Variants in STEAP1B observed in about 807,000 individuals in gnomAD.
STEAP1B encodes STEAP family protein MGC87042.
A neutral mutation model predicts 27.9 loss-of-function variants in STEAP1B; 13 were observed. The observed-to-expected ratio is 0.47, with a 90% CI of 0.30 to 0.74. STEAP1B has a LOEUF of 0.74. Among genes scored for constraint, STEAP1B ranks in the 30% least tolerant of loss-of-function variants. The probability of loss-of-function intolerance (pLI) is 0.06; values close to 1 mark genes in which losing one functional copy is unlikely to be tolerated. For synonymous variants in STEAP1B, 86 were observed against 107.1 expected (o/e 0.80, Z 1.22); for missense variants, 250 against 298.7 (o/e 0.84, Z 1.20).
chr7:22,463,891 C>T (rs1169380836), intron 4 of STEAP1B, among the ~76,000 whole-genome samples: 1 of 151,460 alleles, frequency 6.6e-6, no homozygotes, highest in South Asian at 2.1e-4. Context: ...AGGACATAGG[C>T]ATGGGCAAGG....
At chr7:22,464,327 C>G (rs949423564) in intron 4 of STEAP1B, among the ~76,000 whole-genome samples, 11 of 152,182 alleles carry the variant, frequency 7.2e-5, no homozygotes, top group Non-Finnish European at 1.3e-4. Flanking sequence ...CCCACTCTGT[C>G]CCCTGACTGC....
chr7:22,494,373 T>C (rs930963634), intron 2 of STEAP1B, among the ~76,000 whole-genome samples: 11 of 152,264 alleles, frequency 7.2e-5, no homozygotes, highest in African/African-American at 2.4e-4. Context: ...AAGCTGCCAC[T>C]GTGTCTATGA....
intron 4 of STEAP1B, among the ~76,000 whole-genome samples, chr7:22,461,240 C>G (rs1176817835): frequency 6.6e-6 from 1 of 152,150 alleles, no homozygotes; most frequent in Non-Finnish European, 1.5e-5. Context: ...CTCTCATTCA[C>G]TCCTTCCAGT....
In STEAP1B at chr7:22,493,391, A is replaced by G. The variant is rs377135390; in HGVS notation, c.530T>C (p.Ile177Thr). The G allele has an allele frequency of 6.2e-7, 1 of 1,614,208 alleles. No individual in the cohort carries two copies. Among genetic ancestry groups the G allele is most frequent in the Non-Finnish European group, 8.5e-7 (1 of 1,180,036 alleles). The stretch of plus-strand genomic sequence containing the variant: ...CCTCATTGCGTAAGACAGAGTATAA[A>G]TTGCATGCAGTACAGCAAAAAACAA... The part of the protein sequence containing the change: ...LSLFFAVLHA[I>T]YTLSYAMRRS... The change falls in exon 3 of 5, where the codon ATT becomes ACT. Residue 177 changes from isoleucine (I) to threonine (T), a missense_variant. Coordinates refer to ENST00000678116, the MANE Select transcript of STEAP1B (RefSeq NM_001382447.1).
chr7:22,496,752 G>A (rs1454627717), intron 1 of STEAP1B, among the ~76,000 whole-genome samples: 1 of 152,116 alleles, frequency 6.6e-6, no homozygotes, highest in African/African-American at 2.4e-5. Flanking sequence ...TACACTCTAT[G>A]ATGTTTCCTC....
intron 4 of STEAP1B, among the ~76,000 whole-genome samples, chr7:22,474,524 AG>A (rs1374122157): frequency 2.6e-5 from 4 of 152,238 alleles, no homozygotes; most frequent in African/African-American, 9.6e-5. Flanking sequence ...GGGCAGCTAC[AG>A]GGGTTCAAAA....
chr7:22,424,981 G>T (rs374467114), intron 4 of STEAP1B, among the ~76,000 whole-genome samples: 1 of 151,814 alleles, frequency 6.6e-6, no homozygotes, highest in Non-Finnish European at 1.5e-5. Context: ...CTAGACTAAA[G>T]TATTAAGTGT....
Position 22,495,955 on chromosome 7 carries a change from C to G in STEAP1B, c.-31-1069G>C, listed in dbSNP as rs557362321. ...TTGTGAAGTGTACTCCTTCTACTTA[C>G]AAAAAAAGAGCTAACTGTAAACAGC... On this transcript the variant is annotated intron_variant, in intron 1 of 4. Coordinates refer to ENST00000678116, the MANE Select transcript of STEAP1B (RefSeq NM_001382447.1). Among the ~76,000 whole-genome samples the G allele has an allele frequency of 3.9e-5, 6 of 152,132 alleles. No homozygotes were observed. The South Asian group carries it at 1.3e-3, about 32-fold the overall frequency.
At chr7:22,437,693 A>G (rs918163549) in intron 4 of STEAP1B, among the ~76,000 whole-genome samples, 3 of 152,192 alleles carry the variant, frequency 2.0e-5, no homozygotes, top group Admixed American at 6.5e-5. Context: ...GTTTTCCATG[A>G]TGGCTGTATT....
Position 22,456,972 on chromosome 7 carries a change from A to ATATATTTTT in STEAP1B, c.762+35592_762+35593insAAAAATATA. On this transcript the variant is annotated intron_variant, in intron 4 of 4. Transcript: ENST00000678116. Reference sequence around the variant, plus strand: ...GGCAGCTATATATATATATATATATATTTTTTTTTTTTTTAAGTATCCTGG... The same window carrying ATATATTTTT: ...GGCAGCTATATATATATATATATATATATATTTTTTTTTTTTTTTTTTTAAGTATCCTGG... Among the ~76,000 whole-genome samples the ATATATTTTT allele has an allele frequency of 2.5e-4, 14 of 57,070 alleles. 1 individual carries two copies. In the East Asian group the frequency reaches 0.014, roughly 57 times the overall value. 37.4% of individuals were successfully genotyped at this position (57,070 alleles called of 152,430 possible).
chr7:22,482,348 G>A (rs531474207), intron 4 of STEAP1B, among the ~76,000 whole-genome samples: 13 of 152,238 alleles, frequency 8.5e-5, no homozygotes, highest in African/African-American at 3.1e-4. Flanking sequence ...GATAACCAAC[G>A]AATAATTCTT....
At chr7:22,444,488 T>G (rs1004720483) in intron 4 of STEAP1B, among the ~76,000 whole-genome samples, 1 of 152,098 alleles carries the variant, frequency 6.6e-6, no homozygotes, top group Admixed American at 6.5e-5. Flanking sequence ...TTTTCTGAAA[T>G]TATACCCATC....
chr7:22,434,506 T>G (rs3813378), intron 4 of STEAP1B, among the ~76,000 whole-genome samples: 25,070 of 145,406 alleles, frequency 0.17, 2,169 homozygotes, highest in Non-Finnish European at 0.2. Context: ...AAAAATACAT[T>G]AAGACTAGTA....
chr7:22,466,344 T>C (rs1365848276), intron 4 of STEAP1B, among the ~76,000 whole-genome samples: 2 of 151,970 alleles, frequency 1.3e-5, no homozygotes, highest in South Asian at 2.1e-4. Context: ...TAGTACTTGA[T>C]AGGTAGTTTT....
At chr7:22,481,719 A>G (rs1002660503) in intron 4 of STEAP1B, among the ~76,000 whole-genome samples, 4 of 152,272 alleles carry the variant, frequency 2.6e-5, no homozygotes, top group Non-Finnish European at 5.9e-5. Flanking sequence ...TCACAGGTCT[A>G]CATTTCAGTG....
intron 4 of STEAP1B, among the ~76,000 whole-genome samples, chr7:22,452,661 G>A (rs894494846): frequency 7.9e-5 from 12 of 152,116 alleles, no homozygotes; most frequent in Non-Finnish European, 1.6e-4. Flanking sequence ...AGATTGATAG[G>A]CTGGGTCCTG....
chr7:22,460,394 G>C (rs1266648916), intron 4 of STEAP1B, among the ~76,000 whole-genome samples: 1 of 151,884 alleles, frequency 6.6e-6, no homozygotes, highest in Non-Finnish European at 1.5e-5. Context: ...GACTGAGGGA[G>C]AGCATTCAAG....
chr7:22,432,126 C>T (rs1056976700), intron 4 of STEAP1B, among the ~76,000 whole-genome samples: 4 of 152,078 alleles, frequency 2.6e-5, no homozygotes, highest in Non-Finnish European at 4.4e-5. Flanking sequence ...GACCCCTCAC[C>T]CCTTCTGCCA....
At chr7:22,488,021 T>G (rs1012035719) in intron 4 of STEAP1B, among the ~76,000 whole-genome samples, 2 of 151,970 alleles carry the variant, frequency 1.3e-5, no homozygotes, top group African/African-American at 4.8e-5. Flanking sequence ...TTTGTGAGGT[T>G]GAGAATCTGA....
Sources: gnomAD v4.1 joint callset for allele counts (sites outside exome capture counted in the v4.1 genomes callset) on GRCh38, gnomAD v4.1.1 for gene constraint, MANE v1.5 for transcripts, NCBI Gene and HGNC (gene_info 2026-07-23, HGNC 2026-07-21) for gene names.